Variants in ARFGEF2 observed in about 807,000 individuals in gnomAD.
ARFGEF2 encodes brefeldin A-inhibited guanine nucleotide-exchange protein 2.
In ARFGEF2, 74 loss-of-function variants were observed where a neutral mutation model predicts 219.9. That is an observed-to-expected ratio of 0.34 (90% CI 0.28 to 0.41). The LOEUF is 0.41. Ranked by LOEUF, ARFGEF2 falls within the 10% of genes least tolerant of loss-of-function variation. The pLI, the probability that ARFGEF2 is intolerant of heterozygous loss-of-function variation, is 1.00. For missense variants in ARFGEF2, 1,743 were observed against 2,218.3 expected, an observed-to-expected ratio of 0.79 and a Z score of 4.30; for synonymous variants, 733 against 799.2, an observed-to-expected ratio of 0.92 and a Z score of 1.40.
At chr20:49,013,807 T>G in intron 29 of ARFGEF2, 24 bp from the exon 30 acceptor site, 1 of 1,614,164 alleles carries the variant, frequency 6.2e-7, no homozygotes, top group Non-Finnish European at 8.5e-7. Flanking sequence ...TTCTCTCTTC[T>G]GTGCCTGACT....
intron 1 of ARFGEF2, among the ~76,000 whole-genome samples, chr20:48,923,387 TC>T (rs1169849516): frequency 2.0e-5 from 3 of 152,210 alleles, no homozygotes; most frequent in African/African-American, 4.8e-5. Context: ...ACTTTGCACT[TC>T]CCTGGAAAGA....
intron 1 of ARFGEF2, among the ~76,000 whole-genome samples, chr20:48,926,566 C>G (rs1331788349): frequency 6.6e-6 from 1 of 152,042 alleles, no homozygotes; most frequent in African/African-American, 2.4e-5. Flanking sequence ...TCAGGTGATC[C>G]TCCCATTTCA....
chr20:48,955,514 C>G (rs188742832), intron 6 of ARFGEF2, among the ~76,000 whole-genome samples: 10 of 152,356 alleles, frequency 6.6e-5, no homozygotes, highest in Admixed American at 6.5e-4. Context: ...GCACACGCAG[C>G]AGACATTGAG....
chr20:49,026,745 C>T (rs2091606292), intron 36 of ARFGEF2, among the ~76,000 whole-genome samples: 1 of 152,008 alleles, frequency 6.6e-6, no homozygotes, highest in Non-Finnish European at 1.5e-5. Flanking sequence ...GCCACCATGC[C>T]TGACTAATTT....
At chr20:49,005,341 T>C (rs894845881) in intron 26 of ARFGEF2, 120 bp downstream of exon 26, 34 of 1,191,816 alleles carry the variant, frequency 2.9e-5, no homozygotes, top group Non-Finnish European at 3.8e-5. Context: ...ACAAATAGAA[T>C]GAATAGACTG....
In ARFGEF2 at chr20:49,025,365, A is replaced by G. The variant is rs773188678; in HGVS notation, c.4808A>G (p.Tyr1603Cys). Residue 1603 changes from tyrosine to cysteine, a missense_variant, in exon 36 of 39, where the codon TAT becomes TGT. By Grantham distance (194) the Tyr-to-Cys change is radical. This residue lies in a region of ARFGEF2 where 578 missense variants were observed against 664.0 expected (regional missense o/e 0.87). Transcript: ENST00000371917. ...ATAGAGACGGAGGATCAGGGCATGTATAAGTACATGTCTTCCCAGCACCTC... is the reference window on the plus strand; with the variant it reads ...ATAGAGACGGAGGATCAGGGCATGTGTAAGTACATGTCTTCCCAGCACCTC... ...IHIETEDQGM[Y>C]KYMSSQHLFK... 5.0e-6 allele frequency: 8 copies of G among 1,614,048 alleles called. No homozygotes were observed. The highest frequency in any genetic ancestry group is 3.3e-5 in the South Asian group (3 of 91,042).
rs940545342 is a variant in ARFGEF2, at chr20:48,952,879, C to G, written c.598C>G (p.Gln200Glu). 94 of 1,614,114 alleles carry G rather than the reference C, an allele frequency of 5.8e-5. No homozygotes were observed. Among genetic ancestry groups the G allele is most frequent in the Non-Finnish European group, 7.7e-5 (91 of 1,180,028 alleles). Reference protein sequence around the residue: ...LNVIFTRMENQVLQEARELEK... With the variant: ...LNVIFTRMENEVLQEARELEK... ...CGTCATTTTCACCCGCATGGAAAAC[C>G]AAGTGGTGAGTGACAGCACTTACGT... is the stretch of plus-strand genomic sequence containing the variant. The change falls in exon 5 of 39, where the codon CAA (glutamine) becomes GAA (glutamate). Residue 200 changes from glutamine (Q) to glutamate (E), a missense_variant. By Grantham distance (29) the Gln-to-Glu change is conservative. This residue lies in a region of ARFGEF2 where 394 missense variants were observed against 426.6 expected (regional missense o/e 0.92). Transcript: ENST00000371917.
intron 1 of ARFGEF2, among the ~76,000 whole-genome samples, chr20:48,936,094 C>A (rs1169834108): frequency 6.9e-6 from 1 of 145,694 alleles, no homozygotes; most frequent in Non-Finnish European, 1.5e-5. Context: ...CCACCTCCCT[C>A]CCGGACGGGG....
chr20:48,972,518 T>C, intron 11 of ARFGEF2, 93 bp downstream of exon 11: 1 of 1,014,050 alleles, frequency 9.9e-7, no homozygotes, highest in South Asian at 1.3e-5. Flanking sequence ...CTTTTAGAGT[T>C]TTAAAGGATT....
intron 27 of ARFGEF2, among the ~76,000 whole-genome samples, chr20:49,011,266 C>G (rs2091495931): frequency 6.6e-6 from 1 of 152,136 alleles, no homozygotes; most frequent in South Asian, 2.1e-4. Context: ...AATGTTCTGA[C>G]CAGAGACTTG....
At chr20:49,027,863 C>G (rs1013944868) in intron 36 of ARFGEF2, among the ~76,000 whole-genome samples, 5 of 152,150 alleles carry the variant, frequency 3.3e-5, no homozygotes, top group Non-Finnish European at 4.4e-5. Context: ...CTCAGTGGCT[C>G]ATGTCTGTAA....
intron 14 of ARFGEF2, among the ~76,000 whole-genome samples, chr20:48,982,395 C>T (rs763902806): frequency 1.3e-4 from 20 of 152,282 alleles, no homozygotes; most frequent in Non-Finnish European, 2.2e-4. Flanking sequence ...GAGGGGCACC[C>T]GCCTGTATGA....
chr20:48,984,606 C>T, intron 14 of ARFGEF2, 123 bp from the exon 15 acceptor site: 1 of 1,274,410 alleles, frequency 7.8e-7, no homozygotes. Context: ...CAGACATGAC[C>T]TTGCTAGCTT....
intron 1 of ARFGEF2, among the ~76,000 whole-genome samples, chr20:48,927,963 T>C (rs1031345103): frequency 6.6e-6 from 1 of 152,074 alleles, no homozygotes; most frequent in Non-Finnish European, 1.5e-5. Flanking sequence ...TGAAAAGCAT[T>C]TATATGTAGG....
At chr20:48,974,118 A>ATTT (rs57941437) in intron 12 of ARFGEF2, among the ~76,000 whole-genome samples, 4,928 of 70,042 alleles carry the variant, frequency 0.07, 537 homozygotes, top group African/African-American at 0.13. Context: ...TTGAGTGTGA[A>ATTT]TTTTTTTTTT....
At chr20:49,010,051 G>A (rs374876401) in intron 26 of ARFGEF2, among the ~76,000 whole-genome samples, 181 bp from the exon 27 acceptor site, 7 of 152,218 alleles carry the variant, frequency 4.6e-5, no homozygotes, top group African/African-American at 1.7e-4. Context: ...GATGGTGGTT[G>A]TAGCTCTATG....
intron 26 of ARFGEF2, among the ~76,000 whole-genome samples, chr20:49,007,336 C>T (rs958435176): frequency 1.4e-5 from 2 of 142,862 alleles, no homozygotes; most frequent in African/African-American, 5.3e-5. Context: ...TTTGCCGAGG[C>T]TGGAGTGTAA....
chr20:48,991,758 T>C (rs151003020), intron 21 of ARFGEF2, among the ~76,000 whole-genome samples: 9 of 152,306 alleles, frequency 5.9e-5, no homozygotes, highest in South Asian at 2.1e-4. Context: ...CCCAACAATA[T>C]AAGAGATTGC....
chr20:49,032,597 CTTT>C (rs1360930552), intron 38 of ARFGEF2, among the ~76,000 whole-genome samples: 1 of 144,542 alleles, frequency 6.9e-6, no homozygotes, highest in Admixed American at 7.0e-5. Flanking sequence ...TCTTCAACTT[CTTT>C]TTTTTTTTTT....
Sources: gnomAD v4.1 joint callset for allele counts (sites outside exome capture counted in the v4.1 genomes callset) on GRCh38, gnomAD v4.1.1 for gene constraint, gnomAD v4.1.1 regional missense constraint, MANE v1.5 for transcripts, NCBI Gene and HGNC (gene_info 2026-07-23, HGNC 2026-07-21) for gene names.